TSKU: variants seen among roughly 807,000 people sequenced by gnomAD.
TSKU encodes tsukushi.
TSKU carries 4 observed loss-of-function variants against 11.2 expected under a neutral mutation model. The observed-to-expected ratio is 0.36, with a 90% CI of 0.18 to 0.82. TSKU has a LOEUF of 0.82. Ranked by LOEUF, TSKU falls within the 40% of genes least tolerant of loss-of-function variation. The pLI, the probability that TSKU is intolerant of heterozygous loss-of-function variation, is 0.50. For synonymous variants in TSKU, 220 were observed against 232.2 expected, an observed-to-expected ratio of 0.95 and a Z score of 0.48; for missense variants, 407 against 482.5, an observed-to-expected ratio of 0.84 and a Z score of 1.47.
intron 1 of TSKU, among the ~76,000 whole-genome samples, chr11:76,787,914 C>A (rs1004110694): frequency 6.6e-6 from 1 of 152,146 alleles, no homozygotes; most frequent in African/African-American, 2.4e-5. Context: ...GGGACAGTAT[C>A]CCCAGGGTCA....
At chr11:76,788,462 C>G (rs1011966838) in intron 1 of TSKU, among the ~76,000 whole-genome samples, 1 of 151,814 alleles carries the variant, frequency 6.6e-6, no homozygotes, top group Non-Finnish European at 1.5e-5. Flanking sequence ...CAGCCAGTCT[C>G]GGACCTGCTG....
chr11:76,793,860 C>T (rs1222035338), intron 1 of TSKU, among the ~76,000 whole-genome samples: 5 of 152,162 alleles, frequency 3.3e-5, no homozygotes. Context: ...TCCCACTTTT[C>T]CCTGCCCCTG....
Position 76,796,305 on chromosome 11 carries a change from G to T in TSKU, c.689G>T (p.Gly230Val), listed in dbSNP as rs1944447874. 1 of 1,613,194 alleles carries T rather than the reference G, an allele frequency of 6.2e-7. No homozygotes were observed. The highest frequency in any genetic ancestry group is 1.1e-5 in the South Asian group (1 of 91,078). The change falls in exon 2 of 2, where the codon GGC becomes GTC. Residue 230 changes from glycine (G) to valine (V), a missense_variant. Gly to Val is a moderately radical substitution (Grantham distance 109). Transcript: ENST00000333090. This position sits in a 1 kb window ranked among gnomAD's most constrained non-coding sequence, Gnocchi z 4.1. The stretch of plus-strand genomic sequence containing the variant: ...CCGGGTGCCTTCGCGGGGCTGGGAG[G>T]CCTTACACACCTGTCTCTGGCCAGC... Reference protein sequence around the residue: ...IGPGAFAGLGGLTHLSLASLQ... With the variant: ...IGPGAFAGLGVLTHLSLASLQ...
chr11:76,789,861 A>G (rs1440032691), intron 1 of TSKU, among the ~76,000 whole-genome samples: 1 of 152,126 alleles, frequency 6.6e-6, no homozygotes, highest in African/African-American at 2.4e-5. Flanking sequence ...CCAAGGCCCA[A>G]AGAAAACAGG....
chr11:76,787,123 C>T (rs1944320326), intron 1 of TSKU, among the ~76,000 whole-genome samples: 1 of 152,164 alleles, frequency 6.6e-6, no homozygotes. Context: ...CACCATATTA[C>T]AGACGAGGAC....
intron 1 of TSKU, chr11:76,792,598 G>C (rs1163901557): frequency 2.0e-5 from 3 of 152,232 alleles, no homozygotes; most frequent in Non-Finnish European, 1.5e-5. Flanking sequence ...GAATCATGGG[G>C]CCAGTCTTTC....
At chr11:76,795,532 T>A (rs1388626527) in intron 1 of TSKU, 77 bp from the exon 2 acceptor site, 2 of 1,524,280 alleles carry the variant, frequency 1.3e-6, no homozygotes, top group Non-Finnish European at 8.8e-7. Flanking sequence ...CAACAGTGTC[T>A]AGACTGGGCT....
chr11:76,794,313 G>A (rs1412835166), intron 1 of TSKU, among the ~76,000 whole-genome samples: 1 of 152,208 alleles, frequency 6.6e-6, no homozygotes, highest in African/African-American at 2.4e-5. Context: ...CATTAGATGT[G>A]ACAACACGTA....
In TSKU at chr11:76,796,571, C is replaced by A. The variant is rs751750457; in HGVS notation, c.955C>A (p.Leu319Met). The A allele has an allele frequency of 5.1e-6, 8 of 1,576,014 alleles. No individual in the cohort carries two copies. In the South Asian group the frequency reaches 9.2e-5, roughly 18 times the overall value. Residue 319 changes from leucine (L) to methionine (M), a missense_variant, in exon 2 of 2, where the codon CTG becomes ATG. By Grantham distance (15) the Leu-to-Met change is conservative. Coordinates refer to ENST00000333090, the MANE Select transcript of TSKU (RefSeq NM_015516.4). The surrounding 1 kb of genome is among the most constrained non-coding windows in gnomAD (Gnocchi z 4.1). ...SVGQDVRCRRLVREGTYPRRP... is the reference protein window; with the variant it reads ...SVGQDVRCRRMVREGTYPRRP... ...GGGCCAGGATGTGCGGTGCCGGCGC[C>A]TGGTGCGGGAGGGCACCTACCCCCG...
At chr11:76,788,526 T>C (rs1944333962) in intron 1 of TSKU, among the ~76,000 whole-genome samples, 1 of 152,178 alleles carries the variant, frequency 6.6e-6, no homozygotes, top group Admixed American at 6.5e-5. Context: ...AAGGATCACA[T>C]GGTGACTGCC....
chr11:76,796,964 A>G lies in TSKU; in HGVS notation c.*286A>G, dbSNP rs546658049. 9 of 263,852 alleles carry G rather than the reference A, an allele frequency of 3.4e-5. No homozygotes were observed. In the East Asian group the frequency reaches 6.6e-4, roughly 19 times the overall value. The allele number at this position is 263,852 out of a possible 1,614,324, so 16.3% of individuals were successfully genotyped here. A position where few individuals can be genotyped will look rare whatever the true frequency, so the allele number is the denominator to read the frequency against. ...TGCTTCCCTTCCCCACTTATCCCCC[A>G]AGTGCCTTCCCTCATGCCTGGGCCG... On this transcript the variant is annotated 3_prime_UTR_variant, in exon 2 of 2. Transcript: ENST00000333090. This position sits in a 1 kb window ranked among gnomAD's most constrained non-coding sequence, Gnocchi z 4.1.
chr11:76,783,241 C>G (rs1461447405), upstream of TSKU: 1 of 150,832 alleles, frequency 6.6e-6, no homozygotes, highest in South Asian at 2.1e-4. Flanking sequence ...TGAGCCGCCC[C>G]GCGGCCGGCC....
chr11:76,792,096 G>C (rs1219835541), intron 1 of TSKU: 2 of 152,288 alleles, frequency 1.3e-5, no homozygotes, highest in African/African-American at 4.8e-5. Flanking sequence ...GGGTGGAGCT[G>C]CCCAAGACTG....
chr11:76,788,354 T>G (rs1416626495), intron 1 of TSKU, among the ~76,000 whole-genome samples: 1 of 151,764 alleles, frequency 6.6e-6, no homozygotes, highest in East Asian at 1.9e-4. Context: ...AGCACCAGGG[T>G]CAGGCAGCTG....
rs1026679757 is a variant in TSKU at position 76,796,508 on chromosome 11, C to T, written c.892C>T (p.Leu298=). The change falls in exon 2 of 2, where the codon CTG becomes TTG. Residue 298 remains leucine, a synonymous_variant. Coordinates refer to ENST00000333090, the MANE Select transcript of TSKU (RefSeq NM_015516.4). This position sits in a 1 kb window ranked among gnomAD's most constrained non-coding sequence, Gnocchi z 4.1. ...CAACCTGGTGCCCCTGCCTGAGGCG[C>T]TGCTCCTCCACCTCCCGGCACTGCA... ...GTNLVPLPEA[L]LLHLPALQSV... 3 of 1,612,140 alleles carry T rather than the reference C, an allele frequency of 1.9e-6. No individual in the cohort carries two copies. Among genetic ancestry groups the T allele is most frequent in the Admixed American group, 3.3e-5 (2 of 59,910 alleles).
In TSKU at chr11:76,797,374, G is replaced by A. The variant is rs942020787; in HGVS notation, c.*696G>A. On this transcript the variant is annotated 3_prime_UTR_variant, in exon 2 of 2. Coordinates refer to ENST00000333090, the MANE Select transcript of TSKU (RefSeq NM_015516.4). ...CTAATAAGCCCCACCCTCCCCGCCT[G>A]GGCTCCCCTTGCTGCCCTTGCCTGT... 6.0e-6 allele frequency: 1 copy of A among 167,186 alleles called. No homozygotes were observed. Among genetic ancestry groups the A allele is most frequent in the African/African-American group, 2.4e-5 (1 of 41,456 alleles). The allele number at this position is 167,186 out of a possible 1,614,324, so 10.4% of individuals were successfully genotyped here. A position where few individuals can be genotyped will look rare whatever the true frequency, so the allele number is the denominator to read the frequency against.
In TSKU at chr11:76,795,766, C is replaced by T; in HGVS notation, c.150C>T (p.His50=). The change falls in exon 2 of 2, where the codon CAC becomes CAT. Residue 50 remains histidine (H), a synonymous_variant. Coordinates refer to ENST00000333090, the MANE Select transcript of TSKU (RefSeq NM_015516.4). ...TGGATTGTAGCGGCCTGGGCCCCCA[C>T]ATCATGCCGGTGCCCATCCCTCTGG... The part of the protein sequence containing the change: ...TRVDCSGLGP[H]IMPVPIPLDT... 6.2e-7 allele frequency: 1 copy of T among 1,614,210 alleles called. No homozygotes were observed. The highest frequency in any genetic ancestry group is 8.5e-7 in the Non-Finnish European group (1 of 1,180,044).
chr11:76,789,027 G>A (rs1433433116), intron 1 of TSKU, among the ~76,000 whole-genome samples: 1 of 152,226 alleles, frequency 6.6e-6, no homozygotes, highest in Non-Finnish European at 1.5e-5. Context: ...CGGGATGGAT[G>A]CATGCAGTTC....
At chr11:76,790,592 TG>T (rs1424633813) in intron 1 of TSKU, among the ~76,000 whole-genome samples, 5 of 152,162 alleles carry the variant, frequency 3.3e-5, no homozygotes, top group African/African-American at 4.8e-5. Context: ...AGGGACCCAG[TG>T]GGAGGTAATT....
Sources: allele counts gnomAD v4.1 joint callset (sites outside exome capture counted in the v4.1 genomes callset), GRCh38; gene constraint gnomAD v4.1.1; non-coding constraint Gnocchi (gnomAD v3.1); transcripts MANE v1.5; gene names NCBI Gene and HGNC (gene_info 2026-07-23, HGNC 2026-07-21).